Variants in MVB12B observed in about 807,000 individuals in gnomAD.
MVB12B encodes multivesicular body subunit 12B, also known as ESCRT-I complex subunit MVB12B.
Under a neutral mutation model 41.6 loss-of-function variants are expected in MVB12B, and 16 were observed. The observed-to-expected ratio is 0.38, with a 90% CI of 0.26 to 0.58. The LOEUF (loss-of-function observed/expected upper bound fraction) is 0.58, where lower values mean the gene tolerates loss of function less well. Among genes scored for constraint, MVB12B ranks in the 20% least tolerant of loss-of-function variants. The pLI, the probability that MVB12B is intolerant of heterozygous loss-of-function variation, is 0.62. For missense variants in MVB12B, 274 were observed against 380.2 expected, an observed-to-expected ratio of 0.72 and a Z score of 2.32; for synonymous variants, 133 against 139.7, an observed-to-expected ratio of 0.95 and a Z score of 0.34.
rs1020800395 is a variant in MVB12B, at chr9:126,396,165, A to G, written c.662+468A>G. 9 of 988,480 alleles carry G rather than the reference A, an allele frequency of 9.1e-6. 1 individual carries two copies. The South Asian group carries it at 4.2e-4, about 46-fold the overall frequency. 61.2% of individuals were successfully genotyped at this position (988,480 alleles called of 1,614,324 possible). ...AAAGTAAGAAATGGGTAGTTTGGGT[A>G]TGAGAGAATAGTGAGGAGTTTTTCA... On this transcript the variant is annotated intron_variant, in intron 6 of 9. Coordinates refer to ENST00000361171, the MANE Select transcript of MVB12B (RefSeq NM_033446.3).
intron 1 of MVB12B, among the ~76,000 whole-genome samples, chr9:126,331,867 A>G (rs991626763): frequency 1.3e-5 from 2 of 152,172 alleles, no homozygotes; most frequent in African/African-American, 4.8e-5. Flanking sequence ...TTGGTTGGAG[A>G]AATGTTCAGT....
At chr9:126,496,224 CCCATCCATACACCCACTTACCCAA>C (rs1833830497) in intron 9 of MVB12B, among the ~76,000 whole-genome samples, 1 of 115,934 alleles carries the variant, frequency 8.6e-6, no homozygotes. Context: ...CATCCACCCA[CCCATCCATACACCCACTTACCCAA>C]CCATCCATCC....
chr9:126,455,768 G>A (rs1832970012), intron 7 of MVB12B, among the ~76,000 whole-genome samples: 1 of 152,094 alleles, frequency 6.6e-6, no homozygotes, highest in Non-Finnish European at 1.5e-5. Context: ...TTGCAGGCGT[G>A]CAAACCACTA....
At chr9:126,449,117 G>A (rs1832844826) in intron 7 of MVB12B, among the ~76,000 whole-genome samples, 1 of 152,086 alleles carries the variant, frequency 6.6e-6, no homozygotes, top group Admixed American at 6.5e-5. Context: ...CTCTCAAGGG[G>A]CATTCGTTCA....
intron 7 of MVB12B, among the ~76,000 whole-genome samples, chr9:126,434,523 A>T (rs571922940): frequency 1.3e-5 from 2 of 152,324 alleles, no homozygotes; most frequent in East Asian, 3.9e-4. Flanking sequence ...GGCCCTAAGC[A>T]TCGCTTCTGG....
At chr9:126,428,090 A>G (rs1230668568) in intron 7 of MVB12B, among the ~76,000 whole-genome samples, 1 of 152,092 alleles carries the variant, frequency 6.6e-6, no homozygotes, top group Non-Finnish European at 1.5e-5. Context: ...TGGTCAAGTC[A>G]GTGTCCATCA....
At position 126,473,953 on chromosome 9, in the gene MVB12B, A is replaced by G. The variant is rs1229713623; in HGVS notation, c.758-7416A>G. Among the ~76,000 whole-genome samples the G allele has an allele frequency of 6.6e-6, 1 of 151,590 alleles. No individual in the cohort carries two copies. Among genetic ancestry groups the G allele is most frequent in the Non-Finnish European group, 1.5e-5 (1 of 67,942 alleles). ...AACTGGGCTTGGGGAGAACTTCTTT[A>G]CCTCCCAGGTTTGTTGGGGGTGGGG... On this transcript the variant is annotated intron_variant, in intron 7 of 9. Coordinates refer to ENST00000361171, the MANE Select transcript of MVB12B (RefSeq NM_033446.3). This position sits in a 1 kb window ranked among gnomAD's most constrained non-coding sequence, Gnocchi z 4.0.
At position 126,503,303 on chromosome 9, in the gene MVB12B, G is replaced by C; in HGVS notation, c.*40G>C. The C allele has an allele frequency of 6.7e-7, 1 of 1,492,584 alleles. No homozygotes were observed. The highest frequency in any genetic ancestry group is 9.1e-7 in the Non-Finnish European group (1 of 1,096,530). 92.5% of individuals were successfully genotyped at this position (1,492,584 alleles called of 1,614,324 possible). A position where few individuals can be genotyped will look rare whatever the true frequency, so the allele number is the denominator to read the frequency against. On this transcript the variant is annotated 3_prime_UTR_variant, in exon 10 of 10. Transcript: ENST00000361171. ...CCTGCGGGGAGACCACCGCCGCCCA[G>C]ACTACTGACGGCAGGGGCTGCTGCC... is the stretch of plus-strand genomic sequence containing the variant.
chr9:126,471,340 C>G (rs1234399521), intron 7 of MVB12B, among the ~76,000 whole-genome samples: 3 of 152,260 alleles, frequency 2.0e-5, no homozygotes, highest in Non-Finnish European at 4.4e-5. Flanking sequence ...GCACTGGGCC[C>G]AGCTCGGCGT....
intron 6 of MVB12B, among the ~76,000 whole-genome samples, chr9:126,414,308 C>T (rs901291218): frequency 6.6e-6 from 1 of 152,168 alleles, no homozygotes; most frequent in Non-Finnish European, 1.5e-5. Context: ...GCAGTGCGTG[C>T]TTGCTGACCT....
At chr9:126,358,459 C>T (rs1239879368) in intron 2 of MVB12B, among the ~76,000 whole-genome samples, 2 of 152,094 alleles carry the variant, frequency 1.3e-5, no homozygotes, top group African/African-American at 4.8e-5. Flanking sequence ...TACATCTCTT[C>T]ATTTATGTAA....
At chr9:126,405,082 G>T (rs1057296043) in intron 6 of MVB12B, among the ~76,000 whole-genome samples, 4 of 152,182 alleles carry the variant, frequency 2.6e-5, no homozygotes, top group Non-Finnish European at 5.9e-5. Context: ...AAGAATTGAC[G>T]ATTCGTCAGT....
At chr9:126,487,418 T>TGG (rs918272523) in intron 9 of MVB12B, among the ~76,000 whole-genome samples, 1 of 152,196 alleles carries the variant, frequency 6.6e-6, no homozygotes, top group African/African-American at 2.4e-5. Flanking sequence ...TCCATCCCTG[T>TGG]GGACCAAGGT....
In MVB12B at chr9:126,376,376, TGGGCC is replaced by T; in HGVS notation, c.205-4687_205-4683del. The T allele has an allele frequency of 3.6e-6, 2 of 551,236 alleles. No individual in the cohort carries two copies. Among genetic ancestry groups the T allele is most frequent in the Admixed American group, 2.6e-5 (1 of 39,026 alleles). 34.1% of individuals were successfully genotyped at this position (551,236 alleles called of 1,614,324 possible). On this transcript the variant is annotated intron_variant, in intron 2 of 9. Coordinates refer to ENST00000361171, the MANE Select transcript of MVB12B (RefSeq NM_033446.3). The surrounding 1 kb of genome is among the most constrained non-coding windows in gnomAD (Gnocchi z 4.1). Reference sequence around the variant, plus strand: ...CCTTCAAGCTCCCTTTTTTCTATTTTGGGCCCTTCTGTCATGTCTGAGCCTGTCCC... The same window carrying T: ...CCTTCAAGCTCCCTTTTTTCTATTTTCTTCTGTCATGTCTGAGCCTGTCCC...
At chr9:126,446,806 C>T (rs1239554445) in intron 7 of MVB12B, among the ~76,000 whole-genome samples, 1 of 151,290 alleles carries the variant, frequency 6.6e-6, no homozygotes. Flanking sequence ...TTTTCTCTCT[C>T]TTTTTCTTGG....
At chr9:126,352,648 GATT>G (rs1175347845) in intron 2 of MVB12B, among the ~76,000 whole-genome samples, 1 of 152,150 alleles carries the variant, frequency 6.6e-6, no homozygotes, top group African/African-American at 2.4e-5. Context: ...TGGTCAGACG[GATT>G]ATTTCACCTT....
Position 126,481,361 on chromosome 9 carries a change from T to A in MVB12B, c.758-8T>A. The A allele has an allele frequency of 6.2e-7, 1 of 1,612,614 alleles. No homozygotes were observed. ...TTTAATGCCATCTTTTTTTTTCTTC[T>A]TTTGCAGCAATGGATGGTGTGCCTT... On this transcript the variant is annotated splice_region_variant and splice_polypyrimidine_tract_variant and intron_variant, in intron 7 of 9. Coordinates refer to ENST00000361171, the MANE Select transcript of MVB12B (RefSeq NM_033446.3).
intron 7 of MVB12B, among the ~76,000 whole-genome samples, chr9:126,455,112 G>C (rs1832955199): frequency 6.6e-6 from 1 of 152,200 alleles, no homozygotes; most frequent in South Asian, 2.1e-4. Flanking sequence ...TCCCCAGTAA[G>C]ACCCACAGCT....
chr9:126,406,189 C>T (rs956941653), intron 6 of MVB12B, among the ~76,000 whole-genome samples: 1 of 152,056 alleles, frequency 6.6e-6, no homozygotes. Context: ...GAGGTCTCAC[C>T]ATAATGCCCT....
Sources: allele counts gnomAD v4.1 joint callset (sites outside exome capture counted in the v4.1 genomes callset), GRCh38; gene constraint gnomAD v4.1.1; non-coding constraint Gnocchi (gnomAD v3.1); transcripts MANE v1.5; gene names NCBI Gene and HGNC (gene_info 2026-07-23, HGNC 2026-07-21).